The following ARHGAP17 variants were observed in gnomAD, a reference collection of about 807,000 sequenced individuals.
ARHGAP17 encodes the protein Rho GTPase activating protein 17.
In ARHGAP17, 57 loss-of-function variants were observed where a neutral mutation model predicts 99.5. The ratio of observed to expected loss-of-function variants is 0.57; its 90% CI spans 0.46 to 0.71. The LOEUF is 0.71. ARHGAP17 is among the 30% of genes least tolerant of loss of function. The pLI is 0.00. For synonymous variants in ARHGAP17, 417 were observed against 429.6 expected (o/e 0.97, Z 0.36); for missense variants, 1,000 against 1,122.4 (o/e 0.89, Z 1.56).
In ARHGAP17 at chr16:24,968,723, G is replaced by T; in HGVS notation, c.322C>A (p.Leu108Ile). 1.2e-6 allele frequency: 2 copies of T among 1,614,214 alleles called. No homozygotes were observed. Among genetic ancestry groups the T allele is most frequent in the Non-Finnish European group, 1.7e-6 (2 of 1,180,046 alleles). The change falls in exon 5 of 20, where the codon CTC becomes ATC. Residue 108 changes from leucine (L) to isoleucine (I), a missense_variant. Transcript: ENST00000289968. The part of the protein sequence containing the change: ...GDAENQLALE[L>I]SQHEVFVEKE... ...TCAACAAAGACTTCGTGCTGGGAGA[G>T]CTCGAGAGCCAGCTGATTCTCAGCA...
rs1280930946 is a variant in ARHGAP17, at chr16:24,930,822, A to C, written c.2477T>G (p.Leu826Arg). Reference protein sequence around the residue: ...PGVHSAGDSSLTNTAPTASKI... With the variant: ...PGVHSAGDSSRTNTAPTASKI... ...GGAAGCTGTTGGTGCTGTGTTGGTG[A>C]GGCTGCTGTCCCCAGCTGAGTGGAC... Residue 826 changes from leucine (L) to arginine (R), a missense_variant, in exon 19 of 20, where the codon CTC becomes CGC. Leu to Arg is a moderately radical substitution (Grantham distance 102). This residue lies in a region of ARHGAP17 where 528 missense variants were observed against 511.4 expected (regional missense o/e 1.03). Transcript: ENST00000289968. The C allele has an allele frequency of 6.2e-7, 1 of 1,614,020 alleles. No homozygotes were observed. Among genetic ancestry groups the C allele is most frequent in the Admixed American group, 1.7e-5 (1 of 59,994 alleles).
intron 16 of ARHGAP17, chr16:24,939,917 TC>T (rs2051265102): frequency 5.8e-6 from 2 of 346,884 alleles, no homozygotes; most frequent in South Asian, 2.4e-5. Context: ...GCTGTTTTTT[TC>T]CCCCTTTAGA....
At chr16:24,982,982 A>ATATATATT (rs1555467444) in intron 1 of ARHGAP17, among the ~76,000 whole-genome samples, 6 of 32,672 alleles carry the variant, frequency 1.8e-4, no homozygotes, top group East Asian at 8.2e-4. Flanking sequence ...ATATATATAT[A>ATATATATT]TATATATATA....
intron 12 of ARHGAP17, among the ~76,000 whole-genome samples, chr16:24,951,716 C>G (rs776285056): frequency 3.3e-5 from 5 of 152,200 alleles, no homozygotes; most frequent in Admixed American, 2.0e-4. Context: ...TTTTCTCTAG[C>G]TTATCTATTG....
intron 12 of ARHGAP17, among the ~76,000 whole-genome samples, chr16:24,950,995 C>T (rs1023941826): frequency 3.9e-5 from 6 of 152,034 alleles, no homozygotes; most frequent in South Asian, 2.1e-4. Flanking sequence ...TGTCCGTAGA[C>T]GGGGAAGAGG....
chr16:24,985,368 C>G (rs1012027201), intron 1 of ARHGAP17, among the ~76,000 whole-genome samples: 3 of 152,218 alleles, frequency 2.0e-5, no homozygotes, highest in African/African-American at 7.2e-5. Flanking sequence ...CCCTGGACTA[C>G]GATCAAGGTG....
At chr16:24,952,236 C>T (rs2051667081) in intron 12 of ARHGAP17, 53 bp downstream of exon 12, 2 of 1,389,636 alleles carry the variant, frequency 1.4e-6, no homozygotes, top group Non-Finnish European at 1.0e-6. Flanking sequence ...AAATAGGGCA[C>T]AATATCACTT....
At chr16:24,961,873 G>A (rs1294324606) in intron 7 of ARHGAP17, among the ~76,000 whole-genome samples, 1 of 140,964 alleles carries the variant, frequency 7.1e-6, no homozygotes, top group South Asian at 2.2e-4. Flanking sequence ...AATTAGGTAC[G>A]TATTTCCAAT....
chr16:24,976,116 T>C (rs553004912), intron 3 of ARHGAP17, among the ~76,000 whole-genome samples: 1 of 152,222 alleles, frequency 6.6e-6, no homozygotes, highest in Admixed American at 6.5e-5. Flanking sequence ...CCATGGTAAC[T>C]AGGGTGGAAC....
intron 3 of ARHGAP17, among the ~76,000 whole-genome samples, chr16:24,972,085 A>G (rs974990082): frequency 1.3e-5 from 2 of 152,200 alleles, no homozygotes; most frequent in Admixed American, 1.3e-4. Context: ...CACAGGGTCC[A>G]CCCCTGACAT....
At chr16:25,013,274 A>G (rs182331337) in intron 1 of ARHGAP17, among the ~76,000 whole-genome samples, 1 of 152,260 alleles carries the variant, frequency 6.6e-6, no homozygotes, top group Admixed American at 6.5e-5. Flanking sequence ...GCTAGCAGGT[A>G]AGAAAGCAAG....
chr16:24,940,324 C>T (rs2051277564), intron 16 of ARHGAP17, among the ~76,000 whole-genome samples: 1 of 152,112 alleles, frequency 6.6e-6, no homozygotes, highest in Admixed American at 6.5e-5. Context: ...GGTTATCACA[C>T]CACACTGCCT....
intron 19 of ARHGAP17, among the ~76,000 whole-genome samples, chr16:24,927,338 C>T (rs1418353432): frequency 6.6e-6 from 1 of 152,232 alleles, no homozygotes; most frequent in Non-Finnish European, 1.5e-5. Context: ...CAGGTTGTGC[C>T]TAGCCTATGT....
Position 24,930,872 on chromosome 16 carries a change from C to T in ARHGAP17, c.2427G>A (p.Val809=), listed in dbSNP as rs1373290150. ...PVPKPRNRPS[V]PPPPQPPGVH... ...CACCAGGAGGTTGGGGGGGTGGGGG[C>T]ACGCTGGGCCGGTTCCTTGGCTTTG... is the stretch of plus-strand genomic sequence containing the variant. The change falls in exon 19 of 20, where the codon GTG becomes GTA. Residue 809 remains valine, a synonymous_variant. Transcript: ENST00000289968. The T allele has an allele frequency of 6.2e-7, 1 of 1,613,712 alleles. No homozygotes were observed. The highest frequency in any genetic ancestry group is 1.1e-5 in the South Asian group (1 of 91,032).
rs552719320 is a variant in ARHGAP17, at chr16:24,920,426, T to C, written c.2516-166A>G. The C allele has an allele frequency of 1.4e-5, 11 of 775,898 alleles. No homozygotes were observed. The African/African-American group carries it at 1.6e-4, about 11-fold the overall frequency. 48.1% of individuals were successfully genotyped at this position (775,898 alleles called of 1,614,324 possible). A position where few individuals can be genotyped will look rare whatever the true frequency, so the allele number is the denominator to read the frequency against. The stretch of plus-strand genomic sequence containing the variant: ...AGCTCTTAGAAGCCAAGTGAAGCCT[T>C]TGTGACCCCAGAGGGCAGCTGAGTA... On this transcript the variant is annotated intron_variant, in intron 19 of 19. Transcript: ENST00000289968.
chr16:24,953,448 G>C (rs34424587), intron 10 of ARHGAP17, among the ~76,000 whole-genome samples: 1 of 152,162 alleles, frequency 6.6e-6, no homozygotes, highest in Non-Finnish European at 1.5e-5. Flanking sequence ...TGGATCATGG[G>C]GGTGGATTTC....
chr16:24,925,191 C>T (rs1002868811), intron 19 of ARHGAP17, among the ~76,000 whole-genome samples: 4 of 151,984 alleles, frequency 2.6e-5, no homozygotes, highest in African/African-American at 9.7e-5. Flanking sequence ...CCAGCCTGGC[C>T]AATATGGCAA....
In ARHGAP17 at chr16:24,968,458, A is replaced by G. The variant is rs368384161; in HGVS notation, c.385-31T>C. ...AATAAGAACATACCAAATGGGATGC[A>G]CTTCAGGGCTTTTAGGTTAACCATT... On this transcript the variant is annotated intron_variant, in intron 5 of 19. Coordinates refer to ENST00000289968, the MANE Select transcript of ARHGAP17 (RefSeq NM_001006634.3). 93 of 1,611,216 alleles carry G rather than the reference A, an allele frequency of 5.8e-5. 1 individual carries two copies. Among genetic ancestry groups the G allele is most frequent in the South Asian group, 2.9e-4 (26 of 91,028 alleles).
Position 24,975,238 on chromosome 16 carries a change from C to T in ARHGAP17, c.198+1977G>A, listed in dbSNP as rs1250341492. Among the ~76,000 whole-genome samples, 3 of 152,294 alleles carry T rather than the reference C, an allele frequency of 2.0e-5. No individual in the cohort carries two copies. The East Asian group carries it at 5.8e-4, about 29-fold the overall frequency. On this transcript the variant is annotated intron_variant, in intron 3 of 19. Transcript: ENST00000289968. ...GTGGATGGAATTCAGAGAGTCAACA[C>T]AGAAGGAAGAACTGATCATGCATGC...
Sources: gnomAD v4.1 joint callset for allele counts (sites outside exome capture counted in the v4.1 genomes callset) on GRCh38, gnomAD v4.1.1 for gene constraint, gnomAD v4.1.1 regional missense constraint, MANE v1.5 for transcripts, NCBI Gene and HGNC (gene_info 2026-07-23, HGNC 2026-07-21) for gene names.